SLC38A2: variants seen among roughly 807,000 people sequenced by gnomAD.
SLC38A2 encodes the protein solute carrier family 38 member 2.
In SLC38A2, 11 loss-of-function variants were observed where a neutral mutation model predicts 61.5. The ratio of observed to expected loss-of-function variants is 0.18; its 90% CI spans 0.11 to 0.30. The LOEUF (loss-of-function observed/expected upper bound fraction) is 0.30. SLC38A2 is among the 10% of genes least tolerant of loss of function. The pLI, the probability that SLC38A2 is intolerant of heterozygous loss-of-function variation, is 1.00. For synonymous variants in SLC38A2, 217 were observed against 212.5 expected, an observed-to-expected ratio of 1.02 and a Z score of -0.18; for missense variants, 522 against 600.4, an observed-to-expected ratio of 0.87 and a Z score of 1.36.
rs751294297 is a variant in SLC38A2 at position 46,370,825 on chromosome 12, T to C, written c.149A>G (p.Asn50Ser). The part of the protein sequence containing the change: ...HYADVDPENQ[N>S]FLLESNLGKK... Reference sequence around the variant, plus strand: ...CCCCAAATTCGATTCAAGTAAAAAGTTCTGGTTTTCAGGATCTACATCTGC... The same window carrying C: ...CCCCAAATTCGATTCAAGTAAAAAGCTCTGGTTTTCAGGATCTACATCTGC... The change falls in exon 3 of 16, where the codon AAC becomes AGC. Residue 50 changes from asparagine (N) to serine (S), a missense_variant. By Grantham distance (46) the Asn-to-Ser change is conservative. Around this residue, in one of 3 missense-constraint regions of SLC38A2, gnomAD observed 102 missense variants for 83.1 expected, o/e 1.23. Coordinates refer to ENST00000256689, the MANE Select transcript of SLC38A2 (RefSeq NM_018976.5). 6.2e-7 allele frequency: 1 copy of C among 1,612,628 alleles called. No homozygotes were observed. The highest frequency in any genetic ancestry group is 1.7e-5 in the Admixed American group (1 of 59,826).
At chr12:46,366,291 C>A (rs1321661271) in intron 7 of SLC38A2, among the ~76,000 whole-genome samples, 6 of 152,122 alleles carry the variant, frequency 3.9e-5, no homozygotes, top group Admixed American at 1.3e-4. Flanking sequence ...AGTCTAAACA[C>A]AAAATTCACT....
At chr12:46,362,876 G>T (rs1943098281) in intron 13 of SLC38A2, 145 bp downstream of exon 13, 3 of 1,075,626 alleles carry the variant, frequency 2.8e-6, no homozygotes, top group Non-Finnish European at 2.6e-6. Context: ...AATATACACT[G>T]TATTTTTAAA....
chr12:46,371,459 G>T (rs1463167075), intron 1 of SLC38A2, 80 bp from the exon 2 acceptor site: 2 of 606,178 alleles, frequency 3.3e-6, no homozygotes, highest in South Asian at 1.9e-5. Flanking sequence ...GGCGCAGCGC[G>T]GCTGATTCAT....
At chr12:46,367,835 A>G (rs1185992818) in intron 4 of SLC38A2, among the ~76,000 whole-genome samples, 2 of 152,208 alleles carry the variant, frequency 1.3e-5, no homozygotes, top group African/African-American at 2.4e-5. Context: ...CCGTATACAC[A>G]AAAACAGGAA....
rs757330990 is a variant in SLC38A2, at chr12:46,370,880, TA to T, written c.117-24del. 4.9e-5 allele frequency: 77 copies of T among 1,560,550 alleles called. No individual in the cohort carries two copies. The African/African-American group carries it at 6.6e-4, about 13-fold the overall frequency. The stretch of plus-strand genomic sequence containing the variant: ...TGGCTGCAAAAAATATAGACATATA[TA>T]ATTGTAAACTGGATTGAAATATCTA... On this transcript the variant is annotated intron_variant, in intron 2 of 15. Transcript: ENST00000256689.
chr12:46,364,178 A>G (rs973924874), intron 10 of SLC38A2, among the ~76,000 whole-genome samples, 175 bp from the exon 11 acceptor site: 10 of 152,082 alleles, frequency 6.6e-5, no homozygotes, highest in African/African-American at 2.4e-4. Context: ...CTCACTTCTG[A>G]ATGTGTCAAT....
Position 46,366,923 on chromosome 12 carries a change from T to C in SLC38A2, c.504A>G (p.Ile168Met). The C allele has an allele frequency of 9.3e-6, 15 of 1,613,854 alleles. No homozygotes were observed. Among genetic ancestry groups the C allele is most frequent in the Non-Finnish European group, 1.3e-5 (15 of 1,179,942 alleles). The change falls in exon 7 of 16, where the codon ATA (isoleucine) becomes ATG (methionine). Residue 168 changes from isoleucine to methionine, a missense_variant. Coordinates refer to ENST00000256689, the MANE Select transcript of SLC38A2 (RefSeq NM_018976.5). ...NIGAMSSYLF[I>M]VKYELPLVIQ... ...TCACCAAAGGCAACTCATATTTCAC[T>C]ATGAAGAGGTAGCTTGACATAGCTG...
At chr12:46,369,687 T>C (rs1943174160) in intron 4 of SLC38A2, among the ~76,000 whole-genome samples, 2 of 152,180 alleles carry the variant, frequency 1.3e-5, no homozygotes, top group African/African-American at 4.8e-5. Context: ...AGATTGCATG[T>C]ATTTTTGTTT....
In SLC38A2 at chr12:46,358,543, G is replaced by A. The variant is rs367638645; in HGVS notation, c.*2568C>T. On this transcript the variant is annotated 3_prime_UTR_variant, in exon 16 of 16. Coordinates refer to ENST00000256689, the MANE Select transcript of SLC38A2 (RefSeq NM_018976.5). ...TTTAAACAAGTTTTTTTTAGTGTTT[G>A]TACACAATTTGTCAATTTTTCAATA... is the stretch of plus-strand genomic sequence containing the variant. 2.8e-4 allele frequency: 43 copies of A among 152,432 alleles called. No individual in the cohort carries two copies. In the South Asian group the frequency reaches 8.5e-3, roughly 30 times the overall value. 9.4% of individuals were successfully genotyped at this position (152,432 alleles called of 1,614,324 possible). A position where few individuals can be genotyped will look rare whatever the true frequency, so the allele number is the denominator to read the frequency against.
rs1036683779 is a variant in SLC38A2 at position 46,371,025 on chromosome 12, T to C, written c.116+153A>G. On this transcript the variant is annotated intron_variant, in intron 2 of 15. Coordinates refer to ENST00000256689, the MANE Select transcript of SLC38A2 (RefSeq NM_018976.5). ...GTTGACTTTCACACCAGCTATCTTG[T>C]CATTACAACAAGATAATCGGATACT... The C allele has an allele frequency of 4.8e-6, 4 of 837,160 alleles. No homozygotes were observed. The East Asian group carries it at 1.0e-4, about 22-fold the overall frequency. The allele number at this position is 837,160 out of a possible 1,614,324, so 51.9% of individuals were successfully genotyped here.
At position 46,372,520 on chromosome 12, in the gene SLC38A2, C is replaced by G. The variant is rs1278995415; in HGVS notation, c.-98G>C. Reference sequence around the variant, plus strand: ...CCCGCACGCGTTACCTCGGTGGTCTCTATTCTCACGCAGACGTCTTCAGTG... The same window carrying G: ...CCCGCACGCGTTACCTCGGTGGTCTGTATTCTCACGCAGACGTCTTCAGTG... On this transcript the variant is annotated 5_prime_UTR_variant, in exon 1 of 16. Coordinates refer to ENST00000256689, the MANE Select transcript of SLC38A2 (RefSeq NM_018976.5). The G allele has an allele frequency of 5.1e-6, 2 of 389,024 alleles. No individual in the cohort carries two copies. Among genetic ancestry groups the G allele is most frequent in the African/African-American group, 2.1e-5 (1 of 48,314 alleles). The allele number at this position is 389,024 out of a possible 1,614,324, so 24.1% of individuals were successfully genotyped here.
rs1012726573 is a variant in SLC38A2, at chr12:46,372,713, G to C, written c.-291C>G. 5.0e-6 allele frequency: 2 copies of C among 398,386 alleles called. No individual in the cohort carries two copies. The highest frequency in any genetic ancestry group is 8.9e-6 in the Non-Finnish European group (2 of 225,962). The allele number at this position is 398,386 out of a possible 1,614,324, so 24.7% of individuals were successfully genotyped here. Reference sequence around the variant, plus strand: ...AAGGCGCGAGCGTGCGGTAACGCGTGGTCGGGCTGCTGCTAGCAGTACTGG... The same window carrying C: ...AAGGCGCGAGCGTGCGGTAACGCGTCGTCGGGCTGCTGCTAGCAGTACTGG... On this transcript the variant is annotated 5_prime_UTR_variant, in exon 1 of 16. Coordinates refer to ENST00000256689, the MANE Select transcript of SLC38A2 (RefSeq NM_018976.5).
intron 1 of SLC38A2, among the ~76,000 whole-genome samples, chr12:46,371,830 C>T (rs570151213): frequency 2.6e-5 from 4 of 152,342 alleles, no homozygotes; most frequent in Non-Finnish European, 5.9e-5. Flanking sequence ...TCCTTTACTG[C>T]CCGGAGTCCC....
At chr12:46,362,973 A>G (rs766019212) in intron 13 of SLC38A2, 48 bp downstream of exon 13, 8 of 1,605,072 alleles carry the variant, frequency 5.0e-6, no homozygotes, top group Non-Finnish European at 6.8e-6. Flanking sequence ...CAATATTCAC[A>G]TGTCTAAAAA....
chr12:46,366,842 A>G (rs759188099), intron 7 of SLC38A2, 22 bp downstream of exon 7: 4 of 1,587,338 alleles, frequency 2.5e-6, no homozygotes, highest in South Asian at 2.3e-5. Flanking sequence ...GTTTCTTATG[A>G]GTAACCTTAC....
intron 7 of SLC38A2, among the ~76,000 whole-genome samples, 164 bp downstream of exon 7, chr12:46,366,700 C>G (rs1332366162): frequency 6.6e-6 from 1 of 152,098 alleles, no homozygotes; most frequent in East Asian, 1.9e-4. Context: ...TTTCCTTCTC[C>G]AAAGTTCGAA....
At chr12:46,369,480 G>A (rs1245798229) in intron 4 of SLC38A2, among the ~76,000 whole-genome samples, 4 of 152,156 alleles carry the variant, frequency 2.6e-5, no homozygotes, top group African/African-American at 9.7e-5. Context: ...AATAACTTGA[G>A]TAGAAGGCAC....
chr12:46,364,950 A>G (rs1943124190), intron 8 of SLC38A2, 157 bp downstream of exon 8: 1 of 745,662 alleles, frequency 1.3e-6, no homozygotes, highest in African/African-American at 1.8e-5. Context: ...AGTGTCAATT[A>G]AATATTTTGG....
In SLC38A2 at chr12:46,364,710, G is replaced by T. The variant is rs529099793; in HGVS notation, c.647-8C>A. On this transcript the variant is annotated splice_region_variant and splice_polypyrimidine_tract_variant and intron_variant, in intron 8 of 15. Coordinates refer to ENST00000256689, the MANE Select transcript of SLC38A2 (RefSeq NM_018976.5). ...TGGTATATCCCAAATATCCTATAAGGAGGGGTGGCAGGAATCAGTATTAGT... is the reference window on the plus strand; with the variant it reads ...TGGTATATCCCAAATATCCTATAAGTAGGGGTGGCAGGAATCAGTATTAGT... The T allele has an allele frequency of 1.9e-5, 30 of 1,602,874 alleles. No homozygotes were observed. The African/African-American group carries it at 3.0e-4, about 16-fold the overall frequency.
Sources: gnomAD v4.1 joint callset for allele counts (sites outside exome capture counted in the v4.1 genomes callset) on GRCh38, gnomAD v4.1.1 for gene constraint, gnomAD v4.1.1 regional missense constraint, MANE v1.5 for transcripts, NCBI Gene and HGNC (gene_info 2026-07-23, HGNC 2026-07-21) for gene names.